KANK4: variants seen among roughly 807,000 people sequenced by gnomAD.
KANK4 encodes KN motif and ankyrin repeat domain-containing protein 4.
A neutral mutation model predicts 80.8 loss-of-function variants in KANK4; 50 were observed. The observed-to-expected ratio is 0.62, with a 90% CI of 0.49 to 0.78. The LOEUF (loss-of-function observed/expected upper bound fraction) is 0.78, where lower values mean the gene tolerates loss of function less well. Among genes scored for constraint, KANK4 ranks in the 30% least tolerant of loss-of-function variants. The probability of loss-of-function intolerance (pLI) is 0.00; values close to 1 mark genes in which losing one functional copy is unlikely to be tolerated. For missense variants in KANK4, 1,196 were observed against 1,240.1 expected (o/e 0.96, Z 0.53); for synonymous variants, 465 against 506.9 (o/e 0.92, Z 1.11).
At chr1:62,287,010 G>T (rs943804896) in intron 1 of KANK4, among the ~76,000 whole-genome samples, 4 of 152,202 alleles carry the variant, frequency 2.6e-5, no homozygotes, top group African/African-American at 9.7e-5. Context: ...TCCAGGCAGG[G>T]TTTCTAACTG....
At chr1:62,272,045 G>T (rs1270036255) in intron 3 of KANK4, 1 of 161,316 alleles carries the variant, frequency 6.2e-6, no homozygotes, top group Non-Finnish European at 1.4e-5. Flanking sequence ...GCTCACAGTA[G>T]ATACACGAGC....
intron 2 of KANK4, among the ~76,000 whole-genome samples, chr1:62,276,591 C>T (rs1672319824): frequency 6.6e-6 from 1 of 152,216 alleles, no homozygotes; most frequent in East Asian, 1.9e-4. Flanking sequence ...GCCTGGCCAA[C>T]ACGGTGAAAC....
intron 9 of KANK4, among the ~76,000 whole-genome samples, chr1:62,239,399 A>C (rs143546590): frequency 1.7e-3 from 259 of 152,254 alleles, no homozygotes; most frequent in Non-Finnish European, 3.2e-3. Context: ...AATTATGGAA[A>C]TATTCCATAA....
chr1:62,297,488 C>G (rs1368046058), intron 1 of KANK4, among the ~76,000 whole-genome samples: 1 of 152,182 alleles, frequency 6.6e-6, no homozygotes, highest in African/African-American at 2.4e-5. Context: ...CTCTTAACAA[C>G]AGTGTTCTTT....
rs149937540 is a variant in KANK4 at position 62,285,119 on chromosome 1, A to G, written c.-70-3485T>C. On this transcript the variant is annotated intron_variant, in intron 1 of 9. Transcript: ENST00000371153. Reference sequence around the variant, plus strand: ...TTACAAACGAGGAAACTAAGGCACAAAGAGTCCATGTGGCTAATCCAAAGT... The same window carrying G: ...TTACAAACGAGGAAACTAAGGCACAGAGAGTCCATGTGGCTAATCCAAAGT... Among the ~76,000 whole-genome samples the G allele has an allele frequency of 9.8e-5, 15 of 152,350 alleles. No individual in the cohort carries two copies. In the East Asian group the frequency reaches 2.9e-3, roughly 29 times the overall value.
chr1:62,268,494 G>A lies in KANK4; in HGVS notation c.2024C>T (p.Thr675Ile). 3.1e-6 allele frequency: 5 copies of A among 1,613,508 alleles called. No individual in the cohort carries two copies. The highest frequency in any genetic ancestry group is 1.1e-5 in the South Asian group (1 of 91,058). ...FVGVNGGYETTSSEETSGEDS... is the reference protein window; with the variant it reads ...FVGVNGGYETISSEETSGEDS... ...CTCACCGCTGGTCTCCTCACTTGAG[G>A]TGGTCTCATACCTGGGGTAGAAAAC... The change falls in exon 5 of 10, where the codon ACC (threonine) becomes ATC (isoleucine). Residue 675 changes from threonine (T) to isoleucine (I), a missense_variant. By Grantham distance (89) the Thr-to-Ile change is moderately conservative (BLOSUM62 -1). This residue lies in a region of KANK4 where 1,154 missense variants were observed against 1,179.6 expected (regional missense o/e 0.98). Coordinates refer to ENST00000371153, the MANE Select transcript of KANK4 (RefSeq NM_181712.5).
chr1:62,297,321 C>T (rs546739349), intron 1 of KANK4, among the ~76,000 whole-genome samples: 2 of 152,024 alleles, frequency 1.3e-5, no homozygotes, highest in African/African-American at 4.8e-5. Context: ...ATACTGTTGT[C>T]CTATATTGTA....
At chr1:62,243,670 C>T (rs539321439) in intron 9 of KANK4, among the ~76,000 whole-genome samples, 9 of 152,246 alleles carry the variant, frequency 5.9e-5, no homozygotes, top group African/African-American at 9.6e-5. Flanking sequence ...TGTTCCTGTG[C>T]GTTGTAGGAT....
chr1:62,315,956 G>A (rs771255474), intron 1 of KANK4, among the ~76,000 whole-genome samples: 1 of 152,212 alleles, frequency 6.6e-6, no homozygotes, highest in Non-Finnish European at 1.5e-5. Flanking sequence ...ACAGAGCAGA[G>A]GCTCAATGCA....
At chr1:62,290,123 T>C (rs1013489074) in intron 1 of KANK4, among the ~76,000 whole-genome samples, 3 of 152,208 alleles carry the variant, frequency 2.0e-5, no homozygotes, top group African/African-American at 7.2e-5. Context: ...AATTCAATTA[T>C]AAATTCAATT....
intron 8 of KANK4, among the ~76,000 whole-genome samples, chr1:62,248,559 T>G (rs1671527651): frequency 6.6e-6 from 1 of 151,268 alleles, no homozygotes; most frequent in Non-Finnish European, 1.5e-5. Flanking sequence ...TTTTTTTTTT[T>G]TGTGAGACAA....
intron 1 of KANK4, among the ~76,000 whole-genome samples, chr1:62,287,638 C>A (rs1248055138): frequency 1.3e-5 from 2 of 152,172 alleles, no homozygotes; most frequent in African/African-American, 2.4e-5. Flanking sequence ...GAGAGACAGT[C>A]TAAGTGGTTT....
chr1:62,253,205 G>C lies in KANK4; in HGVS notation c.2544C>G (p.Val848=), dbSNP rs2149124218. Residue 848 remains valine (V), a synonymous_variant, in exon 8 of 10, where the codon GTC becomes GTG. Transcript: ENST00000371153. The part of the protein sequence containing the change: ...SIVKLLLETG[V]CNVDHQNKAG... ...CTTTGTTCTGATGGTCCACATTGCA[G>C]ACGCCTGCAAGAGAAGCAATGGGTG... 6.2e-7 allele frequency: 1 copy of C among 1,605,228 alleles called. No homozygotes were observed. Among genetic ancestry groups the C allele is most frequent in the African/African-American group, 1.3e-5 (1 of 74,564 alleles).
rs1672205899 is a variant in KANK4, at chr1:62,273,188, T to C, written c.1900+16A>G. 1 of 1,485,104 alleles carries C rather than the reference T, an allele frequency of 6.7e-7. No homozygotes were observed. Among genetic ancestry groups the C allele is most frequent in the Non-Finnish European group, 9.0e-7 (1 of 1,110,694 alleles). 92.0% of individuals were successfully genotyped at this position (1,485,104 alleles called of 1,614,324 possible). The stretch of plus-strand genomic sequence containing the variant: ...AATGGCTCCCTGTCTCAGGCCCCTA[T>C]ATTGATGGTATTTACCCACTGGCGG... On this transcript the variant is annotated intron_variant, in intron 3 of 9. Coordinates refer to ENST00000371153, the MANE Select transcript of KANK4 (RefSeq NM_181712.5).
intron 7 of KANK4, among the ~76,000 whole-genome samples, chr1:62,259,905 C>G (rs937636208): frequency 6.6e-6 from 1 of 152,088 alleles, no homozygotes; most frequent in Admixed American, 6.6e-5. Flanking sequence ...CCCTGCTAGA[C>G]AGCCCCATAC....
intron 1 of KANK4, among the ~76,000 whole-genome samples, chr1:62,298,987 A>C (rs1644390024): frequency 6.6e-6 from 1 of 152,048 alleles, no homozygotes. Context: ...GAGGCTTAGT[A>C]ACTTGGTCAT....
chr1:62,257,288 A>G lies in KANK4; in HGVS notation c.2540-4079T>C, dbSNP rs193190105. Among the ~76,000 whole-genome samples the G allele has an allele frequency of 7.6e-3, 1,150 of 152,250 alleles. 43 individuals are homozygous for G. Among genetic ancestry groups the G allele is most frequent in the Admixed American group, 0.061 (926 of 15,286 alleles). On this transcript the variant is annotated intron_variant, in intron 7 of 9. Transcript: ENST00000371153. ...TTTTTAGTAGAGATGGGGTTTCGCC[A>G]TGTTGGCCAGGATGGTCTTGAACTC...
chr1:62,258,115 C>T (rs747203482), intron 7 of KANK4, among the ~76,000 whole-genome samples: 1 of 152,238 alleles, frequency 6.6e-6, no homozygotes, highest in Non-Finnish European at 1.5e-5. Context: ...TAGCTTCTTA[C>T]AGGCTCTGTG....
Position 62,274,469 on chromosome 1 carries a change from C to G in KANK4, c.635G>C (p.Gly212Ala). 6.2e-7 allele frequency: 1 copy of G among 1,614,212 alleles called. No individual in the cohort carries two copies. Among genetic ancestry groups the G allele is most frequent in the South Asian group, 1.1e-5 (1 of 91,084 alleles). The stretch of plus-strand genomic sequence containing the variant: ...TGCTCGTGGGCTGGAGCTGTGGAAA[C>G]CTGCCAATCCTTCTGCAGGTTCAAA... ...GTFEPAEGLA[G>A]FHSSSPRAST... Residue 212 changes from glycine (G) to alanine (A), a missense_variant, in exon 3 of 10, where the codon GGT becomes GCT. By Grantham distance (60) the Gly-to-Ala change is moderately conservative. Around this residue, in one of 3 missense-constraint regions of KANK4, gnomAD observed 1,154 missense variants for 1,179.6 expected, o/e 0.98. Coordinates refer to ENST00000371153, the MANE Select transcript of KANK4 (RefSeq NM_181712.5).
Sources: gnomAD v4.1 joint callset for allele counts (sites outside exome capture counted in the v4.1 genomes callset) on GRCh38, gnomAD v4.1.1 for gene constraint, gnomAD v4.1.1 regional missense constraint, MANE v1.5 for transcripts, NCBI Gene and HGNC (gene_info 2026-07-23, HGNC 2026-07-21) for gene names.